The following HECTD4 variants were observed in gnomAD, a reference collection of about 807,000 sequenced individuals.
HECTD4 encodes HECT domain E3 ubiquitin protein ligase 4, also known as probable E3 ubiquitin-protein ligase HECTD4.
HECTD4 carries 114 observed loss-of-function variants against 471.5 expected under a neutral mutation model. That is an observed-to-expected ratio of 0.24 (90% CI 0.21 to 0.28). The LOEUF (loss-of-function observed/expected upper bound fraction) is 0.28. Ranked by LOEUF, HECTD4 falls within the 10% of genes least tolerant of loss-of-function variation. HECTD4 has a pLI of 1.00. For synonymous variants in HECTD4, 2,012 were observed against 2,256.0 expected, an observed-to-expected ratio of 0.89 and a Z score of 3.07; for missense variants, 3,866 against 5,651.5, an observed-to-expected ratio of 0.68 and a Z score of 10.13.
At chr12:112,245,082 A>C (rs912777400) in intron 29 of HECTD4, among the ~76,000 whole-genome samples, 1 of 152,166 alleles carries the variant, frequency 6.6e-6, no homozygotes, top group African/African-American at 2.4e-5. Context: ...GGCTTACTGC[A>C]GCCTTGAACT....
chr12:112,198,761 A>AACC (rs2032325172), intron 55 of HECTD4, among the ~76,000 whole-genome samples: 1 of 152,186 alleles, frequency 6.6e-6, no homozygotes, highest in African/African-American at 2.4e-5. Flanking sequence ...AGGTCAACAA[A>AACC]ACCCTATCCT....
chr12:112,202,990 GC>G (rs1037550138), intron 54 of HECTD4: 5 of 151,638 alleles, frequency 3.3e-5, no homozygotes, highest in Admixed American at 2.6e-4. Flanking sequence ...TCACTCTGTT[GC>G]CCAGGCTGGA....
At chr12:112,338,438 TG>T (rs1358748313) in intron 1 of HECTD4, among the ~76,000 whole-genome samples, 1 of 152,040 alleles carries the variant, frequency 6.6e-6, no homozygotes, top group Non-Finnish European at 1.5e-5. Context: ...CTGGCCAACA[TG>T]GTGAAACCCC....
At chr12:112,171,396 T>C in intron 67 of HECTD4, 133 bp from the exon 68 acceptor site, 1 of 1,413,468 alleles carries the variant, frequency 7.1e-7, no homozygotes, top group Admixed American at 2.4e-5. Context: ...GGAGATGCTG[T>C]CAGTGAGTGA....
At chr12:112,357,031 C>T (rs1683394738) in intron 1 of HECTD4, among the ~76,000 whole-genome samples, 2 of 152,004 alleles carry the variant, frequency 1.3e-5, no homozygotes, top group South Asian at 4.2e-4. Flanking sequence ...ACTTTATTTT[C>T]CAGAGTAATT....
At chr12:112,233,171 T>C in intron 37 of HECTD4, 86 bp from the exon 38 acceptor site, 2 of 941,594 alleles carry the variant, frequency 2.1e-6, no homozygotes, top group Non-Finnish European at 3.3e-6. Context: ...CCAGTCATGG[T>C]GAGGCCCTAT....
chr12:112,181,936 A>AG (rs1235034224), intron 62 of HECTD4, among the ~76,000 whole-genome samples: 2 of 152,156 alleles, frequency 1.3e-5, no homozygotes, highest in African/African-American at 2.4e-5. Context: ...TACTAAAAAT[A>AG]CAAAAATTAG....
chr12:112,195,017 C>T lies in HECTD4; in HGVS notation c.8617G>A (p.Ala2873Thr), dbSNP rs2032193101. Residue 2873 changes from alanine (A) to threonine (T), a missense_variant, in exon 56 of 76, where the codon GCC (alanine) becomes ACC (threonine). This residue lies in a region of HECTD4 where 266 missense variants were observed against 441.6 expected (regional missense o/e 0.60). Transcript: ENST00000682272. ...AALARLYCRM[A>T]LLNIFAPKLP... is the part of the protein sequence containing the mutation. ...TTCGGGGCGAAGATATTGAGCAGGG[C>T]CATGCGGCAGTACAGCCTGGCCAGC... 6.2e-7 allele frequency: 1 copy of T among 1,610,144 alleles called. No homozygotes were observed. The highest frequency in any genetic ancestry group is 8.5e-7 in the Non-Finnish European group (1 of 1,178,428).
rs2033289380 is a variant in HECTD4 at position 112,228,160 on chromosome 12, T to G, written c.6783A>C (p.Ser2261=). Residue 2261 remains serine (S), a synonymous_variant, in exon 43 of 76, where the codon TCA becomes TCC. Coordinates refer to ENST00000682272, the MANE Select transcript of HECTD4 (RefSeq NM_001388303.1). The surrounding 1 kb of genome is among the most constrained non-coding windows in gnomAD (Gnocchi z 4.9). ...PQEGSLSIHT[S]LPATGDGSAP... ...CTGACCCATCTCCTGTTGCAGGAAGTGAGGTGTGAATAGAGAGACTTCCCT... is the reference window on the plus strand; with the variant it reads ...CTGACCCATCTCCTGTTGCAGGAAGGGAGGTGTGAATAGAGAGACTTCCCT... 6.2e-7 allele frequency: 1 copy of G among 1,613,776 alleles called. No homozygotes were observed. Among genetic ancestry groups the G allele is most frequent in the Non-Finnish European group, 8.5e-7 (1 of 1,179,826 alleles).
At chr12:112,344,914 G>T (rs975423869) in intron 1 of HECTD4, among the ~76,000 whole-genome samples, 1 of 151,510 alleles carries the variant, frequency 6.6e-6, no homozygotes, top group Non-Finnish European at 1.5e-5. Flanking sequence ...ATGAAACTCC[G>T]TCTCAAAAAA....
intron 1 of HECTD4, among the ~76,000 whole-genome samples, chr12:112,320,172 C>G (rs1594040429): frequency 6.7e-6 from 1 of 149,966 alleles, no homozygotes; most frequent in Non-Finnish European, 1.5e-5. Context: ...CTCTCTCTAC[C>G]AAAAATACAA....
chr12:112,276,480 G>T (rs909921168), intron 9 of HECTD4, among the ~76,000 whole-genome samples: 1 of 152,022 alleles, frequency 6.6e-6, no homozygotes, highest in Non-Finnish European at 1.5e-5. Flanking sequence ...ACAGAATCTC[G>T]CTCTGTCGCC....
intron 72 of HECTD4, among the ~76,000 whole-genome samples, chr12:112,165,398 C>A (rs1373748630): frequency 6.8e-6 from 1 of 146,112 alleles, no homozygotes; most frequent in East Asian, 2.1e-4. Context: ...GTCGCCCAGG[C>A]TGGAGTGCAG....
intron 14 of HECTD4, among the ~76,000 whole-genome samples, chr12:112,266,631 G>A (rs1468477692): frequency 6.6e-6 from 1 of 152,142 alleles, no homozygotes; most frequent in Non-Finnish European, 1.5e-5. Flanking sequence ...CAAGGCATGG[G>A]CCACCATGCC....
In HECTD4 at chr12:112,162,718, C is replaced by A; in HGVS notation, c.13121-195G>T. 1 of 631,268 alleles carries A rather than the reference C, an allele frequency of 1.6e-6. No homozygotes were observed. 39.1% of individuals were successfully genotyped at this position (631,268 alleles called of 1,614,324 possible). A position where few individuals can be genotyped will look rare whatever the true frequency, so the allele number is the denominator to read the frequency against. On this transcript the variant is annotated intron_variant, in intron 75 of 75. Coordinates refer to ENST00000682272, the MANE Select transcript of HECTD4 (RefSeq NM_001388303.1). This position sits in a 1 kb window ranked among gnomAD's most constrained non-coding sequence, Gnocchi z 5.2. Reference sequence around the variant, plus strand: ...GGGAAAAGGGGAGAGAGCTGCTGGACAGCGCATGTGCCAAACTGCTGATGG... The same window carrying A: ...GGGAAAAGGGGAGAGAGCTGCTGGAAAGCGCATGTGCCAAACTGCTGATGG...
At chr12:112,296,177 G>T (rs943898254) in intron 7 of HECTD4, among the ~76,000 whole-genome samples, 1 of 151,544 alleles carries the variant, frequency 6.6e-6, no homozygotes, top group Admixed American at 6.6e-5. Flanking sequence ...GGGTGTAGGT[G>T]CAGTGGATGT....
chr12:112,200,155 ATTT>A (rs58396709), intron 55 of HECTD4, among the ~76,000 whole-genome samples: 7 of 135,712 alleles, frequency 5.2e-5, no homozygotes, highest in Admixed American at 4.3e-4. Context: ...TAGATCCCCC[ATTT>A]TTTTTTTTTT....
At position 112,227,586 on chromosome 12, in the gene HECTD4, G is replaced by C. The variant is rs146420779; in HGVS notation, c.6854+503C>G. 2.7e-3 allele frequency among the ~76,000 whole-genome samples: 409 copies of C among 152,314 alleles called. 6 individuals are homozygous for C. The highest frequency in any genetic ancestry group is 9.6e-3 in the African/African-American group (400 of 41,564). On this transcript the variant is annotated intron_variant, in intron 43 of 75. Coordinates refer to ENST00000682272, the MANE Select transcript of HECTD4 (RefSeq NM_001388303.1). ...GCATGTCCTAGTTTTCCCATCATCA[G>C]TTTGGAAAGTGATAGGCCAGATATG...
Position 112,266,911 on chromosome 12 carries a change from C to A in HECTD4, c.2392+1G>T. On this transcript the variant is annotated splice_donor_variant, in intron 14 of 75. Transcript: ENST00000682272. LOFTEE classifies it high-confidence loss of function. ...AAAGATAATTAAAGGATAATTCTTA[C>A]CTTCTGTTAAGACCAGTTTAAGTAA... 1 of 1,417,458 alleles carries A rather than the reference C, an allele frequency of 7.1e-7. No homozygotes were observed. The highest frequency in any genetic ancestry group is 9.8e-7 in the Non-Finnish European group (1 of 1,024,434). 87.8% of individuals were successfully genotyped at this position (1,417,458 alleles called of 1,614,324 possible). A position where few individuals can be genotyped will look rare whatever the true frequency, so the allele number is the denominator to read the frequency against.
Sources: allele counts gnomAD v4.1 joint callset (sites outside exome capture counted in the v4.1 genomes callset), GRCh38; gene constraint gnomAD v4.1.1; regional missense constraint gnomAD v4.1.1; non-coding constraint Gnocchi (gnomAD v3.1); transcripts MANE v1.5; gene names NCBI Gene and HGNC (gene_info 2026-07-23, HGNC 2026-07-21).